RBFOX1: variants seen among roughly 807,000 people sequenced by gnomAD.
The protein encoded by RBFOX1 is RNA binding protein fox-1 homolog 1.
RBFOX1 carries 8 observed loss-of-function variants against 57.7 expected under a neutral mutation model. The ratio of observed to expected loss-of-function variants is 0.14; its 90% CI spans 0.08 to 0.25. The LOEUF (loss-of-function observed/expected upper bound fraction) is 0.25, where lower values mean the gene tolerates loss of function less well. Ranked by LOEUF, RBFOX1 falls within the 10% of genes least tolerant of loss-of-function variation. The pLI is 1.00. For missense variants in RBFOX1, 611 were observed against 548.5 expected (o/e 1.11, Z -1.14); for synonymous variants, 326 against 222.4 (o/e 1.47, Z -4.15).
intron 3 of RBFOX1, among the ~76,000 whole-genome samples, chr16:6,706,006 AGACTCT>A (rs1568293866): frequency 6.6e-6 from 1 of 152,162 alleles, no homozygotes; most frequent in Non-Finnish European, 1.5e-5. Context: ...TGAAAGAGCA[AGACTCT>A]GTCTTAAAAT....
intron 1 of RBFOX1, among the ~76,000 whole-genome samples, chr16:6,199,902 G>A (rs1467962788): frequency 2.0e-5 from 3 of 152,192 alleles, no homozygotes; most frequent in African/African-American, 4.8e-5. Context: ...CATAAGTTAT[G>A]TCCTGGACTG....
intron 1 of RBFOX1, among the ~76,000 whole-genome samples, chr16:6,159,847 G>A: frequency 6.6e-6 from 1 of 152,046 alleles, no homozygotes; most frequent in Middle Eastern, 3.2e-3. Context: ...CTTTTCCAAA[G>A]TGCCAAGAGG....
chr16:6,657,233 TTTCC>T (rs1171490400), intron 3 of RBFOX1, among the ~76,000 whole-genome samples: 1 of 151,896 alleles, frequency 6.6e-6, no homozygotes, highest in African/African-American at 2.4e-5. Flanking sequence ...CTTCCTTCTT[TTTCC>T]TTCCTTCAAA....
chr16:7,468,516 T>A (rs2060948589), intron 4 of RBFOX1, among the ~76,000 whole-genome samples: 1 of 151,084 alleles, frequency 6.6e-6, no homozygotes, highest in African/African-American at 2.4e-5. Flanking sequence ...GTTTCCTTCC[T>A]TCTATTTCTC....
At chr16:7,103,298 A>C (rs1191331286) in intron 4 of RBFOX1, among the ~76,000 whole-genome samples, 1 of 152,158 alleles carries the variant, frequency 6.6e-6, no homozygotes, top group African/African-American at 2.4e-5. Flanking sequence ...TCCAGTCTCA[A>C]GTCAGTATAG....
At chr16:7,430,477 A>C (rs768797729) in intron 4 of RBFOX1, among the ~76,000 whole-genome samples, 4 of 152,080 alleles carry the variant, frequency 2.6e-5, no homozygotes, top group Non-Finnish European at 5.9e-5. Context: ...CTGGCTAACA[A>C]GGTGAAACCC....
intron 4 of RBFOX1, among the ~76,000 whole-genome samples, chr16:7,239,729 T>G (rs1036882172): frequency 6.6e-6 from 1 of 152,122 alleles, no homozygotes; most frequent in African/African-American, 2.4e-5. Context: ...TGGTTAGAAT[T>G]TGCTGATGTT....
intron 9 of RBFOX1, among the ~76,000 whole-genome samples, chr16:7,599,272 T>G (rs1300045979): frequency 1.3e-5 from 2 of 152,222 alleles, no homozygotes; most frequent in African/African-American, 4.8e-5. Flanking sequence ...AGTCTTTAAT[T>G]ATGAAGTTGC....
At chr16:5,860,953 G>A (rs1439175113) in intron 3 of RBFOX1, among the ~76,000 whole-genome samples, 6 of 152,158 alleles carry the variant, frequency 3.9e-5, no homozygotes, top group Admixed American at 2.0e-4. Flanking sequence ...CTTTGCTCTC[G>A]CTTTTTGTGG....
At chr16:6,906,962 G>C (rs975139710) in intron 3 of RBFOX1, among the ~76,000 whole-genome samples, 7 of 152,054 alleles carry the variant, frequency 4.6e-5, no homozygotes, top group Non-Finnish European at 4.4e-5. Context: ...GACCTTAAGT[G>C]ATCAGCCCAC....
At chr16:5,754,198 A>G (rs967926858) in intron 3 of RBFOX1, among the ~76,000 whole-genome samples, 7 of 152,216 alleles carry the variant, frequency 4.6e-5, no homozygotes, top group African/African-American at 1.7e-4. Context: ...CCTCTGCCAC[A>G]TGCAAGCTAC....
intron 4 of RBFOX1, among the ~76,000 whole-genome samples, chr16:7,249,308 G>A (rs952194110): frequency 5.9e-5 from 9 of 151,834 alleles, no homozygotes; most frequent in African/African-American, 2.2e-4. Flanking sequence ...AACCCTGAAA[G>A]TGGTGCAATA....
chr16:6,972,914 A>G (rs1377203798), intron 3 of RBFOX1, among the ~76,000 whole-genome samples: 1 of 152,164 alleles, frequency 6.6e-6, no homozygotes, highest in Non-Finnish European at 1.5e-5. Flanking sequence ...ACTTGAGGTC[A>G]GGAGTTCGAG....
At chr16:6,780,233 ATATATATT>A (rs2080570571) in intron 3 of RBFOX1, among the ~76,000 whole-genome samples, 1 of 74,066 alleles carries the variant, frequency 1.4e-5, no homozygotes, top group African/African-American at 6.0e-5. Flanking sequence ...ATATATATTT[ATATATATT>A]TACATATATA....
At position 6,262,991 on chromosome 16, in the gene RBFOX1, T is replaced by C. The variant is rs527439184; in HGVS notation, c.-126-54004T>C. On this transcript the variant is annotated intron_variant, in intron 1 of 15. Transcript: ENST00000550418. Reference sequence around the variant, plus strand: ...GTAGACAGGGAAGGCCACTTTGAGATGACATCTGATTTGTAGCCTGAAGGA... The same window carrying C: ...GTAGACAGGGAAGGCCACTTTGAGACGACATCTGATTTGTAGCCTGAAGGA... Among the ~76,000 whole-genome samples the C allele has an allele frequency of 4.6e-5, 7 of 152,268 alleles. No homozygotes were observed. The East Asian group carries it at 1.2e-3, about 25-fold the overall frequency.
At chr16:7,263,343 C>T (rs1237815718) in intron 4 of RBFOX1, among the ~76,000 whole-genome samples, 1 of 152,014 alleles carries the variant, frequency 6.6e-6, no homozygotes, top group Non-Finnish European at 1.5e-5. Flanking sequence ...CCCTGAGAAG[C>T]CCCAGAATTT....
At chr16:6,681,582 A>C (rs772818990) in intron 3 of RBFOX1, among the ~76,000 whole-genome samples, 4 of 152,066 alleles carry the variant, frequency 2.6e-5, no homozygotes, top group Non-Finnish European at 4.4e-5. Flanking sequence ...ATTTGTTGTT[A>C]ATTTGGCCCG....
chr16:6,874,322 C>A (rs191817781), intron 3 of RBFOX1, among the ~76,000 whole-genome samples: 44 of 151,928 alleles, frequency 2.9e-4, no homozygotes, highest in African/African-American at 1.0e-3. Context: ...ACCAGCCTGG[C>A]CAACATGATG....
chr16:7,678,142 C>G (rs1257515680), intron 14 of RBFOX1, among the ~76,000 whole-genome samples: 3 of 152,166 alleles, frequency 2.0e-5, no homozygotes, highest in Non-Finnish European at 4.4e-5. Context: ...TTCTTATAAG[C>G]AGCCATAACA....
Sources: allele counts gnomAD v4.1 joint callset (sites outside exome capture counted in the v4.1 genomes callset), GRCh38; gene constraint gnomAD v4.1.1; transcripts MANE v1.5; gene names NCBI Gene and HGNC (gene_info 2026-07-23, HGNC 2026-07-21).